The following IQCB1 variants were observed in gnomAD, a reference collection of about 807,000 sequenced individuals.
IQCB1 encodes the protein IQ calmodulin-binding motif-containing protein 1.
Under a neutral mutation model 84.4 loss-of-function variants are expected in IQCB1, and 56 were observed. That is an observed-to-expected ratio of 0.66 (90% CI 0.54 to 0.83). The LOEUF is 0.83. IQCB1 is among the 40% of genes least tolerant of loss of function. The pLI, the probability that IQCB1 is intolerant of heterozygous loss-of-function variation, is 0.00. For synonymous variants in IQCB1, 210 were observed against 234.8 expected (o/e 0.89, Z 0.96); for missense variants, 629 against 682.1 (o/e 0.92, Z 0.87).
At position 121,827,513 on chromosome 3, in the gene IQCB1, G is replaced by T. The variant is rs140968343; in HGVS notation, c.263+957C>A. ...ATTTCTTAAGTCTTGAATTCCACCCGAGAGCCTGGCTTAATCAATATCATC... is the reference window on the plus strand; with the variant it reads ...ATTTCTTAAGTCTTGAATTCCACCCTAGAGCCTGGCTTAATCAATATCATC... On this transcript the variant is annotated intron_variant, in intron 4 of 14. Coordinates refer to ENST00000310864, the MANE Select transcript of IQCB1 (RefSeq NM_001023570.4). 5.3e-5 allele frequency among the ~76,000 whole-genome samples: 8 copies of T among 152,044 alleles called. No homozygotes were observed. In the East Asian group the frequency reaches 1.5e-3, roughly 29 times the overall value.
chr3:121,804,214 C>A (rs982838286), intron 7 of IQCB1, among the ~76,000 whole-genome samples: 1 of 152,076 alleles, frequency 6.6e-6, no homozygotes, highest in Non-Finnish European at 1.5e-5. Flanking sequence ...TTCCATTTAT[C>A]TCCTCCCAGC....
At chr3:121,817,616 T>A (rs1950119601) in intron 5 of IQCB1, among the ~76,000 whole-genome samples, 1 of 152,124 alleles carries the variant, frequency 6.6e-6, no homozygotes, top group African/African-American at 2.4e-5. Flanking sequence ...TTCTACTCTA[T>A]TAGCCTGGGA....
At chr3:121,776,083 A>G (rs1948214614) in intron 13 of IQCB1, among the ~76,000 whole-genome samples, 1 of 151,900 alleles carries the variant, frequency 6.6e-6, no homozygotes, top group African/African-American at 2.4e-5. Context: ...TTTTGAAGAC[A>G]GGGTCTCACT....
intron 10 of IQCB1, 69 bp from the exon 11 acceptor site, chr3:121,790,284 TAATC>T: frequency 7.1e-7 from 1 of 1,402,386 alleles, no homozygotes; most frequent in South Asian, 1.2e-5. Context: ...ACCTCACTAG[TAATC>T]AAATAAATGT....
intron 12 of IQCB1, among the ~76,000 whole-genome samples, chr3:121,784,815 G>A (rs1257948788): frequency 2.0e-5 from 3 of 151,952 alleles, no homozygotes; most frequent in East Asian, 1.9e-4. Context: ...CCGAGTAGCC[G>A]GGACTACAGG....
intron 12 of IQCB1, among the ~76,000 whole-genome samples, chr3:121,786,202 A>AGAGAAGAGAAGAGAAGAGAAGAGAAGAG (rs1559760960): frequency 1.4e-5 from 2 of 146,296 alleles, no homozygotes; most frequent in African/African-American, 5.2e-5. Flanking sequence ...AAAGAAAAGA[A>AGAGAAGAGAAGAGAAGAGAAGAGAAGAG]AAGAAAAGAA....
At position 121,798,935 on chromosome 3, in the gene IQCB1, C is replaced by G. The variant is rs534701601; in HGVS notation, c.766+261G>C. On this transcript the variant is annotated intron_variant, in intron 8 of 14. Transcript: ENST00000310864. The stretch of plus-strand genomic sequence containing the variant: ...ACTATACTATATGGTATATTCAACA[C>G]ACAAAACCTTTTTGTCAGAGAGGGA... Among the ~76,000 whole-genome samples the G allele has an allele frequency of 2.0e-4, 30 of 151,942 alleles. No individual in the cohort carries two copies. In the South Asian group the frequency reaches 2.9e-3, roughly 15 times the overall value.
At position 121,770,139 on chromosome 3, in the gene IQCB1, T is replaced by C. The variant is rs977969412; in HGVS notation, c.*206A>G. 1.6e-5 allele frequency: 9 copies of C among 552,920 alleles called. No homozygotes were observed. Among genetic ancestry groups the C allele is most frequent in the South Asian group, 4.3e-5 (2 of 46,176 alleles). 34.3% of individuals were successfully genotyped at this position (552,920 alleles called of 1,614,324 possible). A position where few individuals can be genotyped will look rare whatever the true frequency, so the allele number is the denominator to read the frequency against. ...ACAATAAAAGCCACACAAATCTGTGTGTGGCTAACGATGAGGATACAGAGA... is the reference window on the plus strand; with the variant it reads ...ACAATAAAAGCCACACAAATCTGTGCGTGGCTAACGATGAGGATACAGAGA... On this transcript the variant is annotated 3_prime_UTR_variant, in exon 15 of 15. Coordinates refer to ENST00000310864, the MANE Select transcript of IQCB1 (RefSeq NM_001023570.4).
chr3:121,774,903 TTATC>T (rs2108511328), intron 13 of IQCB1, among the ~76,000 whole-genome samples: 1 of 152,310 alleles, frequency 6.6e-6, no homozygotes, highest in African/African-American at 2.4e-5. Flanking sequence ...TTTTTATATT[TTATC>T]TATTTTACCA....
chr3:121,816,882 C>T (rs1007649056), intron 5 of IQCB1, among the ~76,000 whole-genome samples: 6 of 152,156 alleles, frequency 3.9e-5, no homozygotes, highest in Admixed American at 1.3e-4. Context: ...TCAGAAATAC[C>T]ATTTGACCCA....
intron 6 of IQCB1, among the ~76,000 whole-genome samples, chr3:121,807,650 T>G (rs1949657334): frequency 6.6e-6 from 1 of 151,972 alleles, no homozygotes; most frequent in African/African-American, 2.4e-5. Flanking sequence ...TTTATGAATA[T>G]AGTCAGAAAA....
At chr3:121,830,980 A>AT (rs1387962535) in intron 2 of IQCB1, among the ~76,000 whole-genome samples, 1 of 152,180 alleles carries the variant, frequency 6.6e-6, no homozygotes, top group African/African-American at 2.4e-5. Context: ...TTCCAAAATG[A>AT]TTGTCCATGC....
chr3:121,770,664 G>A (rs190116158), intron 14 of IQCB1, 90 bp from the exon 15 acceptor site: 29 of 939,326 alleles, frequency 3.1e-5, no homozygotes, highest in East Asian at 2.4e-4. Context: ...AACTCTGCAG[G>A]CAGAAACAGC....
chr3:121,800,648 T>TA (rs774334874), intron 7 of IQCB1, among the ~76,000 whole-genome samples: 23 of 151,914 alleles, frequency 1.5e-4, no homozygotes, highest in Non-Finnish European at 3.1e-4. Flanking sequence ...CTTCTACAGA[T>TA]ATCCCTATCC....
intron 12 of IQCB1, 39 bp from the exon 13 acceptor site, chr3:121,781,913 CCTAA>C (rs747497450): frequency 2.3e-5 from 37 of 1,601,096 alleles, no homozygotes; most frequent in African/African-American, 9.4e-5. Flanking sequence ...ATTTTTCTCC[CCTAA>C]CTAATAGAAC....
intron 7 of IQCB1, 87 bp downstream of exon 7, chr3:121,807,257 A>C: frequency 1.7e-6 from 1 of 593,282 alleles, no homozygotes; most frequent in Non-Finnish European, 3.1e-6. Context: ...TACAAATCAT[A>C]TGCGGTCAAT....
intron 7 of IQCB1, among the ~76,000 whole-genome samples, chr3:121,799,755 A>C (rs1332472911): frequency 4.6e-5 from 7 of 151,922 alleles, no homozygotes; most frequent in Non-Finnish European, 1.0e-4. Flanking sequence ...GTTAATTTTT[A>C]AATGATGTAC....
chr3:121,820,009 T>TA (rs1205617583), intron 5 of IQCB1, among the ~76,000 whole-genome samples: 1 of 152,184 alleles, frequency 6.6e-6, no homozygotes, highest in Non-Finnish European at 1.5e-5. Context: ...TTATAAAACT[T>TA]ACAGTTGTAA....
At chr3:121,804,452 T>C (rs1949530345) in intron 7 of IQCB1, among the ~76,000 whole-genome samples, 1 of 152,168 alleles carries the variant, frequency 6.6e-6, no homozygotes, top group African/African-American at 2.4e-5. Context: ...CTGCTGGTGA[T>C]TTCTGAAGAA....
Sources: gnomAD v4.1 joint callset for allele counts (sites outside exome capture counted in the v4.1 genomes callset) on GRCh38, gnomAD v4.1.1 for gene constraint, MANE v1.5 for transcripts, NCBI Gene and HGNC (gene_info 2026-07-23, HGNC 2026-07-21) for gene names.